Variants in DNAJC2 observed in about 807,000 individuals in gnomAD.
DNAJC2 encodes the protein DnaJ heat shock protein family (Hsp40) member C2.
DNAJC2 carries 32 observed loss-of-function variants against 94.0 expected under a neutral mutation model. That is an observed-to-expected ratio of 0.34 (90% CI 0.26 to 0.46). DNAJC2 has a LOEUF of 0.46. Ranked by LOEUF, DNAJC2 falls within the 20% of genes least tolerant of loss-of-function variation. The pLI, the probability that DNAJC2 is intolerant of heterozygous loss-of-function variation, is 1.00. For missense variants in DNAJC2, 550 were observed against 719.5 expected, an observed-to-expected ratio of 0.76 and a Z score of 2.69; for synonymous variants, 210 against 229.7, an observed-to-expected ratio of 0.91 and a Z score of 0.77.
intron 5 of DNAJC2, among the ~76,000 whole-genome samples, chr7:103,326,314 A>T (rs1375529578): frequency 1.3e-5 from 2 of 152,210 alleles, no homozygotes; most frequent in Non-Finnish European, 2.9e-5. Flanking sequence ...CATAAATTGT[A>T]CAGAAATTTT....
intron 12 of DNAJC2, among the ~76,000 whole-genome samples, 175 bp downstream of exon 12, chr7:103,319,434 C>T (rs1454942307): frequency 6.6e-6 from 1 of 152,106 alleles, no homozygotes; most frequent in African/African-American, 2.4e-5. Flanking sequence ...AAGACTCTGT[C>T]TCAAAACAAA....
intron 10 of DNAJC2, among the ~76,000 whole-genome samples, chr7:103,321,712 G>A (rs1342658049): frequency 6.6e-6 from 1 of 152,044 alleles, no homozygotes; most frequent in Non-Finnish European, 1.5e-5. Context: ...AGCCAGGCGT[G>A]GTGGCACACG....
chr7:103,328,312 G>A (rs1487010069), intron 3 of DNAJC2, among the ~76,000 whole-genome samples: 1 of 151,862 alleles, frequency 6.6e-6, no homozygotes, highest in Non-Finnish European at 1.5e-5. Context: ...AGACATTTTT[G>A]TTTTCTTAAG....
intron 13 of DNAJC2, 137 bp downstream of exon 13, chr7:103,316,693 C>G: frequency 1.4e-6 from 1 of 722,340 alleles, no homozygotes; most frequent in South Asian, 1.9e-5. Context: ...ATGCACCTCA[C>G]TTTTCACACT....
chr7:103,341,976 G>C, intron 1 of DNAJC2, 22 bp from the exon 2 acceptor site: 2 of 1,527,020 alleles, frequency 1.3e-6, no homozygotes, highest in Non-Finnish European at 1.8e-6. Context: ...AGTGTTAAGA[G>C]AGGCTTCAGT....
At chr7:103,326,136 G>A (rs1818692630) in intron 5 of DNAJC2, among the ~76,000 whole-genome samples, 1 of 151,802 alleles carries the variant, frequency 6.6e-6, no homozygotes, top group African/African-American at 2.4e-5. Context: ...GCACCTCCAC[G>A]GCCAGCTAAT....
chr7:103,333,037 G>A (rs151127639), intron 3 of DNAJC2, among the ~76,000 whole-genome samples: 3,268 of 151,552 alleles, frequency 0.022, 60 homozygotes, highest in Non-Finnish European at 0.037. Flanking sequence ...TACTTACTGG[G>A]TGAGCATCCA....
intron 2 of DNAJC2, among the ~76,000 whole-genome samples, chr7:103,338,267 C>CTTT (rs528754279): frequency 2.4e-5 from 3 of 124,120 alleles, no homozygotes; most frequent in Non-Finnish European, 5.2e-5. Context: ...AAGACCCTGT[C>CTTT]TTTTTTTTTT....
chr7:103,321,834 C>T, intron 10 of DNAJC2, 98 bp downstream of exon 10: 7 of 1,394,402 alleles, frequency 5.0e-6, no homozygotes, highest in South Asian at 2.8e-5. Flanking sequence ...GGCGACAGAG[C>T]GAGACCCCAT....
intron 15 of DNAJC2, chr7:103,313,321 A>G: frequency 5.4e-6 from 7 of 1,299,150 alleles, no homozygotes; most frequent in Non-Finnish European, 5.8e-6. Flanking sequence ...AAAGGCTTTT[A>G]AAACACAATA....
chr7:103,320,040 A>G (rs1192254919), intron 10 of DNAJC2, among the ~76,000 whole-genome samples, 196 bp from the exon 11 acceptor site: 2 of 152,194 alleles, frequency 1.3e-5, no homozygotes, highest in African/African-American at 4.8e-5. Context: ...TCTCAAAAAA[A>G]CAGACAATGA....
chr7:103,329,898 T>G (rs1253797654), intron 3 of DNAJC2, among the ~76,000 whole-genome samples: 1 of 152,192 alleles, frequency 6.6e-6, no homozygotes, highest in Non-Finnish European at 1.5e-5. Flanking sequence ...TTTCCTTCTT[T>G]CCAATAGTTG....
chr7:103,319,343 A>G (rs1818251843), intron 12 of DNAJC2, among the ~76,000 whole-genome samples: 2 of 152,132 alleles, frequency 1.3e-5, no homozygotes, highest in African/African-American at 2.4e-5. Flanking sequence ...AGGCTGAGGC[A>G]GGAGAATCAC....
chr7:103,328,982 C>T, intron 3 of DNAJC2: 3 of 1,277,540 alleles, frequency 2.3e-6, no homozygotes, highest in Non-Finnish European at 3.1e-6. Flanking sequence ...AAGTTATTTT[C>T]CAAAAGGCAA....
intron 3 of DNAJC2, among the ~76,000 whole-genome samples, chr7:103,330,805 C>T (rs1280019947): frequency 6.7e-6 from 1 of 150,262 alleles, no homozygotes; most frequent in Non-Finnish European, 1.5e-5. Flanking sequence ...TGGTCTTGAA[C>T]TCCTGGGCTC....
intron 3 of DNAJC2, among the ~76,000 whole-genome samples, chr7:103,330,382 G>A (rs751459365): frequency 4.6e-5 from 7 of 151,808 alleles, no homozygotes; most frequent in Non-Finnish European, 8.8e-5. Flanking sequence ...TAACCTCCCC[G>A]GCTCAGGTGA....
chr7:103,318,457 G>A (rs1054799523), intron 12 of DNAJC2, among the ~76,000 whole-genome samples: 6 of 152,048 alleles, frequency 3.9e-5, no homozygotes, highest in Non-Finnish European at 7.4e-5. Context: ...CTTCCTTTCA[G>A]GCTGGTTCAA....
At chr7:103,343,972 T>G (rs1056159644) in intron 1 of DNAJC2, among the ~76,000 whole-genome samples, 1 of 152,230 alleles carries the variant, frequency 6.6e-6, no homozygotes, top group South Asian at 2.1e-4. Flanking sequence ...ACAATACTCA[T>G]GACTGTCCTG....
chr7:103,314,157 T>C, intron 15 of DNAJC2: 1 of 985,462 alleles, frequency 1.0e-6, no homozygotes, highest in Non-Finnish European at 1.2e-6. Flanking sequence ...AAGTCTTTTG[T>C]TGAATTTCCT....
Sources: allele counts gnomAD v4.1 joint callset (sites outside exome capture counted in the v4.1 genomes callset), GRCh38; gene constraint gnomAD v4.1.1; transcripts MANE v1.5; gene names NCBI Gene and HGNC (gene_info 2026-07-23, HGNC 2026-07-21).